The following KCNK12 variants were observed in gnomAD, a reference collection of about 807,000 sequenced individuals.
The protein encoded by KCNK12 is potassium channel subfamily K member 12.
A neutral mutation model predicts 25.3 loss-of-function variants in KCNK12; 6 were observed. That is an observed-to-expected ratio of 0.24 (90% CI 0.13 to 0.47). KCNK12 has a LOEUF of 0.47. Ranked by LOEUF, KCNK12 falls within the 20% of genes least tolerant of loss-of-function variation. KCNK12 has a pLI of 0.99. For missense variants in KCNK12, 444 were observed against 661.7 expected, an observed-to-expected ratio of 0.67 and a Z score of 3.61; for synonymous variants, 331 against 311.1, an observed-to-expected ratio of 1.06 and a Z score of -0.67.
At position 47,509,539 on chromosome 2, in the gene KCNK12, G is replaced by T. The variant is rs1668349509; in HGVS notation, c.*11368C>A. 6.6e-6 allele frequency among the ~76,000 whole-genome samples: 1 copy of T among 152,254 alleles called. No individual in the cohort carries two copies. The highest frequency in any genetic ancestry group is 6.5e-5 in the Admixed American group (1 of 15,286). On this transcript the variant is annotated 3_prime_UTR_variant, in exon 2 of 2. Coordinates refer to ENST00000327876, the MANE Select transcript of KCNK12 (RefSeq NM_022055.2). ...TGTGTGCAGATGGTACCTGGTGCAG[G>T]ATTGTGGTGTCCAGGTGTCTCTCCT...
Position 47,569,533 on chromosome 2 carries a change from A to G in KCNK12, c.391+408T>C, listed in dbSNP as rs1669846182. Among the ~76,000 whole-genome samples, 1 of 152,092 alleles carries G rather than the reference A, an allele frequency of 6.6e-6. No homozygotes were observed. Among genetic ancestry groups the G allele is most frequent in the Admixed American group, 6.5e-5 (1 of 15,272 alleles). ...AGCGGGGGAGACTATGAAAAGAAAT[A>G]AAAGCGCCGAGGGTGGAGGGAGAAG... is the stretch of plus-strand genomic sequence containing the variant. On this transcript the variant is annotated intron_variant, in intron 1 of 1. Transcript: ENST00000327876. The surrounding 1 kb of genome is among the most constrained non-coding windows in gnomAD (Gnocchi z 4.1).
At position 47,513,728 on chromosome 2, in the gene KCNK12, G is replaced by A. The variant is rs557422442; in HGVS notation, c.*7179C>T. Among the ~76,000 whole-genome samples, 198 of 152,226 alleles carry A rather than the reference G, an allele frequency of 1.3e-3. No individual in the cohort carries two copies. Among genetic ancestry groups the A allele is most frequent in the African/African-American group, 4.6e-3 (193 of 41,528 alleles). ...TCCTCCTCCTGGGTTCCCAGGCTCA[G>A]TGGTGGCACCACTGTCTACCTGGCT... On this transcript the variant is annotated 3_prime_UTR_variant, in exon 2 of 2. Transcript: ENST00000327876.
At chr2:47,549,001 C>T (rs1260921701) in intron 1 of KCNK12, among the ~76,000 whole-genome samples, 1 of 152,202 alleles carries the variant, frequency 6.6e-6, no homozygotes, top group Non-Finnish European at 1.5e-5. Flanking sequence ...CTCTTTGTTA[C>T]TCGCAAAGGT....
chr2:47,532,534 T>G (rs1356677471), intron 1 of KCNK12, among the ~76,000 whole-genome samples: 2 of 152,138 alleles, frequency 1.3e-5, no homozygotes, highest in Non-Finnish European at 2.9e-5. Flanking sequence ...GCAACCGTTC[T>G]TTTGTTGCTT....
rs1383701787 is a variant in KCNK12, at chr2:47,555,637, A to G, written c.391+14304T>C. Among the ~76,000 whole-genome samples, 2 of 152,238 alleles carry G rather than the reference A, an allele frequency of 1.3e-5. No homozygotes were observed. The highest frequency in any genetic ancestry group is 2.9e-5 in the Non-Finnish European group (2 of 68,040). Reference sequence around the variant, plus strand: ...TAATTCCTTTTCTATGAAGGCCTCCATATGTATATGCAATAAATCTTTTCT... The same window carrying G: ...TAATTCCTTTTCTATGAAGGCCTCCGTATGTATATGCAATAAATCTTTTCT... On this transcript the variant is annotated intron_variant, in intron 1 of 1. Coordinates refer to ENST00000327876, the MANE Select transcript of KCNK12 (RefSeq NM_022055.2). This position sits in a 1 kb window ranked among gnomAD's most constrained non-coding sequence, Gnocchi z 4.5.
intron 1 of KCNK12, among the ~76,000 whole-genome samples, chr2:47,544,504 A>G (rs1398916534): frequency 6.6e-6 from 1 of 152,256 alleles, no homozygotes; most frequent in African/African-American, 2.4e-5. Flanking sequence ...ACTGAAACAC[A>G]TTGGTCGTGT....
Position 47,521,253 on chromosome 2 carries a change from C to T in KCNK12, c.947G>A (p.Arg316His), listed in dbSNP as rs1234511570. 8 of 1,607,278 alleles carry T rather than the reference C, an allele frequency of 5.0e-6. No individual in the cohort carries two copies. The highest frequency in any genetic ancestry group is 6.8e-6 in the Non-Finnish European group (8 of 1,177,620). ...AGCCGGGCAGCAGCGCGCGCAGCAG[C>T]GGCAGCTCAGCTTGCGCAGCATCCA... ...LNWMLRKLSC[R>H]CCARCCPAPG... The change falls in exon 2 of 2, where the codon CGC becomes CAC. Residue 316 changes from arginine to histidine, a missense_variant. Around this residue, in one of 8 missense-constraint regions of KCNK12, gnomAD observed 69 missense variants for 81.7 expected, o/e 0.84. Coordinates refer to ENST00000327876, the MANE Select transcript of KCNK12 (RefSeq NM_022055.2).
rs574982933 is a variant in KCNK12, at chr2:47,533,387, A to T, written c.392-11579T>A. Among the ~76,000 whole-genome samples, 3 of 152,320 alleles carry T rather than the reference A, an allele frequency of 2.0e-5. No homozygotes were observed. The East Asian group carries it at 5.8e-4, about 29-fold the overall frequency. On this transcript the variant is annotated intron_variant, in intron 1 of 1. Coordinates refer to ENST00000327876, the MANE Select transcript of KCNK12 (RefSeq NM_022055.2). This position sits in a 1 kb window ranked among gnomAD's most constrained non-coding sequence, Gnocchi z 4.7. ...CCACATGCATCCCACAGTGCCCGGG[A>T]CATAGTAAGCTCCCCAAAAGCACCA...
intron 1 of KCNK12, among the ~76,000 whole-genome samples, chr2:47,527,098 A>G (rs1414944947): frequency 1.3e-5 from 2 of 152,256 alleles, no homozygotes; most frequent in Non-Finnish European, 2.9e-5. Context: ...GTGTGCTAGC[A>G]TCTAAAGTTC....
intron 1 of KCNK12, among the ~76,000 whole-genome samples, chr2:47,568,611 T>C (rs977777250): frequency 6.6e-5 from 10 of 152,308 alleles, no homozygotes; most frequent in African/African-American, 1.9e-4. Flanking sequence ...AGGCAGCCTC[T>C]CTCCCTGCCT....
At chr2:47,530,952 T>C (rs760701184) in intron 1 of KCNK12, among the ~76,000 whole-genome samples, 1 of 152,196 alleles carries the variant, frequency 6.6e-6, no homozygotes, top group Non-Finnish European at 1.5e-5. Context: ...TGCAATGTGA[T>C]AAAGCAGCAA....
Position 47,513,844 on chromosome 2 carries a change from T to G in KCNK12, c.*7063A>C, listed in dbSNP as rs747992181. On this transcript the variant is annotated 3_prime_UTR_variant, in exon 2 of 2. Coordinates refer to ENST00000327876, the MANE Select transcript of KCNK12 (RefSeq NM_022055.2). ...AATCATTGATTCTGTGGACCTACTC[T>G]TTCGGGTGTCCCTCAAATCTCTCCA... 4.0e-5 allele frequency among the ~76,000 whole-genome samples: 6 copies of G among 151,320 alleles called. No individual in the cohort carries two copies. Among genetic ancestry groups the G allele is most frequent in the Non-Finnish European group, 8.8e-5 (6 of 68,018 alleles).
In KCNK12 at chr2:47,514,976, G is replaced by T. The variant is rs1668487152; in HGVS notation, c.*5931C>A. ...TAGAAAGGTAACTGGCCACAGAAGG[G>T]AGAGGAATGGCAGTCCATCCAGGGA... is the stretch of plus-strand genomic sequence containing the variant. On this transcript the variant is annotated 3_prime_UTR_variant, in exon 2 of 2. Coordinates refer to ENST00000327876, the MANE Select transcript of KCNK12 (RefSeq NM_022055.2). This position sits in a 1 kb window ranked among gnomAD's most constrained non-coding sequence, Gnocchi z 5.0. 6.6e-6 allele frequency among the ~76,000 whole-genome samples: 1 copy of T among 152,190 alleles called. No individual in the cohort carries two copies. Among genetic ancestry groups the T allele is most frequent in the East Asian group, 1.9e-4 (1 of 5,194 alleles).
chr2:47,513,042 A>G lies in KCNK12; in HGVS notation c.*7865T>C, dbSNP rs1668441526. On this transcript the variant is annotated 3_prime_UTR_variant, in exon 2 of 2. Coordinates refer to ENST00000327876, the MANE Select transcript of KCNK12 (RefSeq NM_022055.2). ...TGTGACAAAGTTCTGGCCAGTGGCA[A>G]GGGAACACAAGTGATAGGTACAGAT... 6.5e-6 allele frequency: 1 copy of G among 153,824 alleles called. No individual in the cohort carries two copies. Among genetic ancestry groups the G allele is most frequent in the Non-Finnish European group, 1.4e-5 (1 of 69,140 alleles). 9.5% of individuals were successfully genotyped at this position (153,824 alleles called of 1,614,324 possible).
At chr2:47,558,633 C>T (rs981001434) in intron 1 of KCNK12, among the ~76,000 whole-genome samples, 3 of 152,186 alleles carry the variant, frequency 2.0e-5, no homozygotes, top group South Asian at 2.1e-4. Flanking sequence ...TCACACGAGG[C>T]GCTCAGAATT....
At chr2:47,521,879 T>TTGGGGGGGGG in intron 1 of KCNK12, 71 bp from the exon 2 acceptor site, 2 of 327,722 alleles carry the variant, frequency 6.1e-6, no homozygotes, top group East Asian at 6.8e-5. Context: ...GGGTGGGGGG[T>TTGGGGGGGGG]GTGGGGGCGG....
At chr2:47,550,927 G>GT (rs1009543908) in intron 1 of KCNK12, among the ~76,000 whole-genome samples, 2 of 151,922 alleles carry the variant, frequency 1.3e-5, no homozygotes, top group African/African-American at 2.4e-5. Context: ...CCCCCGTACA[G>GT]TTTTTTTTGA....
chr2:47,568,410 A>T (rs778883698), intron 1 of KCNK12, among the ~76,000 whole-genome samples: 1 of 151,882 alleles, frequency 6.6e-6, no homozygotes, highest in Non-Finnish European at 1.5e-5. Context: ...TAACAACATG[A>T]TATAGCTTTT....
rs1444168813 is a variant in KCNK12, at chr2:47,519,950, TAAAGGGGGA to T, written c.*948_*956del. ...TGCGCCCGGCAACCCCATGATCTCT[TAAAGGGGGA>T]AAAGTTGAACTGATCAACAGTAGTT... On this transcript the variant is annotated 3_prime_UTR_variant, in exon 2 of 2. Transcript: ENST00000327876. The T allele has an allele frequency of 6.6e-6, 1 of 151,840 alleles. No homozygotes were observed. The highest frequency in any genetic ancestry group is 1.5e-5 in the Non-Finnish European group (1 of 67,950). 9.4% of individuals were successfully genotyped at this position (151,840 alleles called of 1,614,324 possible).
Sources: gnomAD v4.1 joint callset for allele counts (sites outside exome capture counted in the v4.1 genomes callset) on GRCh38, gnomAD v4.1.1 for gene constraint, gnomAD v4.1.1 regional missense constraint, Gnocchi (gnomAD v3.1) non-coding constraint, MANE v1.5 for transcripts, NCBI Gene and HGNC (gene_info 2026-07-23, HGNC 2026-07-21) for gene names.